Variants in DCLK1 observed in about 807,000 individuals in gnomAD.
DCLK1 encodes doublecortin like kinase 1, also known as serine/threonine-protein kinase DCLK1.
Under a neutral mutation model 86.2 loss-of-function variants are expected in DCLK1, and 16 were observed. That is an observed-to-expected ratio of 0.19 (90% CI 0.13 to 0.28). The LOEUF is 0.28. DCLK1 is among the 10% of genes least tolerant of loss of function. The pLI, the probability that DCLK1 is intolerant of heterozygous loss-of-function variation, is 1.00. For missense variants in DCLK1, 590 were observed against 940.2 expected (o/e 0.63, Z 4.87); for synonymous variants, 369 against 370.5 (o/e 1.00, Z 0.05).
Position 35,827,835 on chromosome 13 carries a change from T to G in DCLK1, c.1288-81A>C, listed in dbSNP as rs934519071. The G allele has an allele frequency of 2.3e-5, 35 of 1,542,378 alleles. No homozygotes were observed. In the African/African-American group the frequency reaches 4.2e-4, roughly 19 times the overall value. On this transcript the variant is annotated intron_variant, in intron 9 of 16. Coordinates refer to ENST00000360631, the MANE Select transcript of DCLK1 (RefSeq NM_001330071.2). Reference sequence around the variant, plus strand: ...CTCAAATGAGTACAACTATACTATGTAAGGGTCAAGAGAGATGCATTTTGG... The same window carrying G: ...CTCAAATGAGTACAACTATACTATGGAAGGGTCAAGAGAGATGCATTTTGG...
chr13:35,971,808 A>C (rs755494603), intron 3 of DCLK1, among the ~76,000 whole-genome samples: 1 of 151,878 alleles, frequency 6.6e-6, no homozygotes, highest in African/African-American at 2.4e-5. Flanking sequence ...CTCCCTGTTA[A>C]TGCTGGGCCC....
At chr13:35,894,704 C>G (rs1188882027) in intron 4 of DCLK1, among the ~76,000 whole-genome samples, 4 of 152,166 alleles carry the variant, frequency 2.6e-5, no homozygotes, top group African/African-American at 9.7e-5. Context: ...CACTTCAGCT[C>G]TTCCTTGTTG....
chr13:35,840,398 C>T (rs1384819587), intron 6 of DCLK1, among the ~76,000 whole-genome samples: 1 of 152,210 alleles, frequency 6.6e-6, no homozygotes, highest in Non-Finnish European at 1.5e-5. Flanking sequence ...CTAAGTCAAA[C>T]ATCACAGAAC....
intron 8 of DCLK1, 25 bp downstream of exon 8, chr13:35,836,008 T>C: frequency 6.7e-7 from 1 of 1,503,504 alleles, no homozygotes; most frequent in Non-Finnish European, 9.2e-7. Flanking sequence ...CCTTTAAGGT[T>C]TGATGCAAAT....
intron 3 of DCLK1, among the ~76,000 whole-genome samples, chr13:35,963,603 A>G (rs1566623602): frequency 6.6e-6 from 1 of 152,202 alleles, no homozygotes; most frequent in Non-Finnish European, 1.5e-5. Context: ...CACGGATAAC[A>G]TGGTTAGACT....
rs537359340 is a variant in DCLK1, at chr13:35,912,791, C to T, written c.823+34567G>A. On this transcript the variant is annotated intron_variant, in intron 4 of 16. Coordinates refer to ENST00000360631, the MANE Select transcript of DCLK1 (RefSeq NM_001330071.2). ...CCTCACTGGCAGAGGGCAGCTGTCC[C>T]ACACTATGAGGCAAGTCCACTGAGC... Among the ~76,000 whole-genome samples the T allele has an allele frequency of 1.4e-4, 21 of 152,306 alleles. No homozygotes were observed. In the East Asian group the frequency reaches 4.1e-3, roughly 29 times the overall value.
intron 3 of DCLK1, among the ~76,000 whole-genome samples, chr13:35,975,274 G>A (rs952162460): frequency 5.9e-5 from 9 of 152,182 alleles, no homozygotes; most frequent in Non-Finnish European, 8.8e-5. Flanking sequence ...CTTATGACCT[G>A]TTCTGGAGAA....
At chr13:35,991,828 G>A (rs1224127191) in intron 3 of DCLK1, among the ~76,000 whole-genome samples, 2 of 152,120 alleles carry the variant, frequency 1.3e-5, no homozygotes, top group Non-Finnish European at 2.9e-5. Flanking sequence ...CATTTTGTGA[G>A]CTTGAAACTG....
intron 4 of DCLK1, among the ~76,000 whole-genome samples, chr13:35,914,379 A>ATATG (rs1489487326): frequency 8.2e-6 from 1 of 122,490 alleles, no homozygotes; most frequent in African/African-American, 3.0e-5. Context: ...GTATATATAT[A>ATATG]TATATATATA....
chr13:36,064,566 G>A (rs985141154), intron 3 of DCLK1, among the ~76,000 whole-genome samples: 1 of 151,990 alleles, frequency 6.6e-6, no homozygotes, highest in Non-Finnish European at 1.5e-5. Flanking sequence ...GGCTGAGGCA[G>A]GAGAATATCT....
chr13:36,008,217 TA>T (rs1450125021), intron 3 of DCLK1, among the ~76,000 whole-genome samples: 2,786 of 39,356 alleles, frequency 0.071, 52 homozygotes, highest in African/African-American at 0.18. Flanking sequence ...TTATTATTAT[TA>T]TTATTATTAT....
At chr13:35,813,659 A>G (rs1044387495) in intron 11 of DCLK1, among the ~76,000 whole-genome samples, 2 of 151,778 alleles carry the variant, frequency 1.3e-5, no homozygotes, top group Non-Finnish European at 2.9e-5. Context: ...AATACATAGA[A>G]CCATAATTGT....
At chr13:35,794,076 AG>A (rs1337637347) in intron 15 of DCLK1, among the ~76,000 whole-genome samples, 1 of 152,204 alleles carries the variant, frequency 6.6e-6, no homozygotes, top group African/African-American at 2.4e-5. Context: ...TTTATATTGG[AG>A]CTTATTTTAA....
In DCLK1 at chr13:35,768,843, A is replaced by T. The variant is rs2086278740; in HGVS notation, c.*5692T>A. 6.6e-6 allele frequency: 1 copy of T among 152,222 alleles called. No homozygotes were observed. Among genetic ancestry groups the T allele is most frequent in the Non-Finnish European group, 1.5e-5 (1 of 68,032 alleles). The allele number at this position is 152,222 out of a possible 1,614,324, so 9.4% of individuals were successfully genotyped here. A position where few individuals can be genotyped will look rare whatever the true frequency, so the allele number is the denominator to read the frequency against. On this transcript the variant is annotated 3_prime_UTR_variant, in exon 17 of 17. Transcript: ENST00000360631. ...ATTTTTAAAGCCTTGCATAGAGAGA[A>T]TTCCCCCTAAGAACACAGCTGGGCT... is the stretch of plus-strand genomic sequence containing the variant.
intron 3 of DCLK1, among the ~76,000 whole-genome samples, chr13:36,052,073 G>A (rs1262007401): frequency 1.3e-5 from 2 of 152,108 alleles, no homozygotes; most frequent in African/African-American, 4.8e-5. Context: ...CTTTAGAGAT[G>A]GCAAGTAATA....
intron 4 of DCLK1, among the ~76,000 whole-genome samples, chr13:35,899,364 TGTGTGA>T (rs1458754636): frequency 1.2e-3 from 121 of 99,910 alleles, no homozygotes; most frequent in African/African-American, 3.6e-3. Context: ...TGTGTGTGTG[TGTGTGA>T]GAGAGAGAGA....
At chr13:35,955,266 A>G (rs1045220196) in intron 3 of DCLK1, among the ~76,000 whole-genome samples, 7 of 151,926 alleles carry the variant, frequency 4.6e-5, no homozygotes, top group Admixed American at 2.0e-4. Context: ...TCAGGCTGCT[A>G]TAACAAAAAT....
chr13:35,944,849 C>T (rs1877276629), intron 4 of DCLK1, among the ~76,000 whole-genome samples: 1 of 151,906 alleles, frequency 6.6e-6, no homozygotes. Context: ...TGCATGTGAG[C>T]CCTTGTGTGC....
At chr13:35,987,347 C>T (rs1879972336) in intron 3 of DCLK1, among the ~76,000 whole-genome samples, 1 of 152,146 alleles carries the variant, frequency 6.6e-6, no homozygotes, top group African/African-American at 2.4e-5. Context: ...AGGCTTGAAC[C>T]CTGACCCCCT....
Sources: gnomAD v4.1 joint callset for allele counts (sites outside exome capture counted in the v4.1 genomes callset) on GRCh38, gnomAD v4.1.1 for gene constraint, MANE v1.5 for transcripts, NCBI Gene and HGNC (gene_info 2026-07-23, HGNC 2026-07-21) for gene names.